Variants in GRID2 observed in about 807,000 individuals in gnomAD.
GRID2 encodes glutamate receptor ionotropic, delta-2.
Under a neutral mutation model 114.8 loss-of-function variants are expected in GRID2, and 33 were observed. The ratio of observed to expected loss-of-function variants is 0.29; its 90% CI spans 0.22 to 0.38. GRID2 has a LOEUF of 0.38. Among genes scored for constraint, GRID2 ranks in the 10% least tolerant of loss-of-function variants. The pLI, the probability that GRID2 is intolerant of heterozygous loss-of-function variation, is 1.00. For missense variants in GRID2, 1,184 were observed against 1,257.7 expected (o/e 0.94, Z 0.89); for synonymous variants, 505 against 449.9 (o/e 1.12, Z -1.55).
chr4:92,505,280 T>A (rs189029108), intron 1 of GRID2, among the ~76,000 whole-genome samples: 1 of 152,166 alleles, frequency 6.6e-6, no homozygotes, highest in East Asian at 1.9e-4. Context: ...ATGCTGTCCA[T>A]AACTTTTTAT....
intron 8 of GRID2, among the ~76,000 whole-genome samples, chr4:93,358,466 C>A (rs1172724016): frequency 6.6e-6 from 1 of 151,736 alleles, no homozygotes; most frequent in African/African-American, 2.4e-5. Flanking sequence ...GGTAAGCATC[C>A]ATGGAACATT....
intron 3 of GRID2, among the ~76,000 whole-genome samples, chr4:93,086,478 G>C (rs1180663770): frequency 3.3e-5 from 5 of 152,082 alleles, no homozygotes; most frequent in African/African-American, 1.2e-4. Flanking sequence ...GGACTCTCAG[G>C]GAGGGAGAGC....
intron 1 of GRID2, among the ~76,000 whole-genome samples, chr4:92,397,158 A>G (rs571602174): frequency 1.3e-5 from 2 of 152,190 alleles, no homozygotes; most frequent in South Asian, 2.1e-4. Context: ...AATCAGAACA[A>G]TATTACAATT....
intron 12 of GRID2, among the ~76,000 whole-genome samples, chr4:93,496,178 A>C (rs1324274612): frequency 6.6e-6 from 1 of 151,462 alleles, no homozygotes; most frequent in African/African-American, 2.4e-5. Flanking sequence ...AAGATGTCGA[A>C]GGACAAAGCA....
At position 93,317,738 on chromosome 4, in the gene GRID2, T is replaced by C. The variant is rs531866981; in HGVS notation, c.1246-77869T>C. 3.6e-3 allele frequency among the ~76,000 whole-genome samples: 550 copies of C among 151,918 alleles called. 1 individual carries two copies. Among genetic ancestry groups the C allele is most frequent in the African/African-American group, 0.013 (521 of 41,474 alleles). On this transcript the variant is annotated intron_variant, in intron 8 of 15. Transcript: ENST00000282020. The stretch of plus-strand genomic sequence containing the variant: ...CGAGTGAGCAGAATTATATTTCCTG[T>C]GAGTCATCTCTTCATATAGGGAGTA...
At chr4:92,957,222 C>A (rs1752469564) in intron 2 of GRID2, among the ~76,000 whole-genome samples, 1 of 152,010 alleles carries the variant, frequency 6.6e-6, no homozygotes, top group South Asian at 2.1e-4. Context: ...GAAACGTTAC[C>A]ATCAAACCCA....
At chr4:92,782,465 T>G (rs1250488697) in intron 2 of GRID2, among the ~76,000 whole-genome samples, 2 of 152,138 alleles carry the variant, frequency 1.3e-5, no homozygotes, top group Non-Finnish European at 2.9e-5. Context: ...ATGTTTTCAC[T>G]TAAGCTGCCT....
intron 4 of GRID2, among the ~76,000 whole-genome samples, chr4:93,144,841 G>A (rs879660808): frequency 6.6e-6 from 1 of 152,082 alleles, no homozygotes; most frequent in African/African-American, 2.4e-5. Flanking sequence ...ACATTTGCTG[G>A]AGTACCCATA....
intron 14 of GRID2, among the ~76,000 whole-genome samples, chr4:93,688,114 G>GAGAT (rs1421532252): frequency 6.6e-6 from 1 of 151,908 alleles, no homozygotes; most frequent in Admixed American, 6.6e-5. Context: ...AATATAAAGT[G>GAGAT]AGATCAACAG....
At chr4:93,236,142 C>T (rs1310073068) in intron 7 of GRID2, among the ~76,000 whole-genome samples, 1 of 152,048 alleles carries the variant, frequency 6.6e-6, no homozygotes, top group Non-Finnish European at 1.5e-5. Flanking sequence ...CAAATTCCTA[C>T]AGTATTTGTC....
intron 4 of GRID2, among the ~76,000 whole-genome samples, chr4:93,188,318 T>C (rs1740636376): frequency 6.6e-6 from 1 of 152,152 alleles, no homozygotes; most frequent in South Asian, 2.1e-4. Context: ...ATGCCATCAT[T>C]GTTTACCATC....
intron 2 of GRID2, among the ~76,000 whole-genome samples, chr4:92,712,170 C>T (rs1213741410): frequency 3.3e-5 from 5 of 151,928 alleles, no homozygotes; most frequent in Non-Finnish European, 7.4e-5. Context: ...TACAAAATTC[C>T]TTTCTTTTAA....
chr4:93,261,217 A>T (rs928051439), intron 8 of GRID2, among the ~76,000 whole-genome samples: 4 of 151,906 alleles, frequency 2.6e-5, no homozygotes, highest in African/African-American at 9.7e-5. Flanking sequence ...TTTCGAAAGG[A>T]GCTCAAAAAT....
exon 2 of GRID2, chr4:93,810,094 G>C (rs1028472691): frequency 6.6e-6 from 1 of 152,334 alleles, no homozygotes; most frequent in East Asian, 1.9e-4. Context: ...TGTTGGAACA[G>C]GTACCAGAGT....
chr4:92,407,940 G>A (rs747710999), intron 1 of GRID2, among the ~76,000 whole-genome samples: 1 of 151,924 alleles, frequency 6.6e-6, no homozygotes, highest in Non-Finnish European at 1.5e-5. Flanking sequence ...TTGTTTAGTT[G>A]GATCCTACTT....
At chr4:93,174,228 A>G (rs1739127691) in intron 4 of GRID2, among the ~76,000 whole-genome samples, 1 of 152,164 alleles carries the variant, frequency 6.6e-6, no homozygotes, top group South Asian at 2.1e-4. Flanking sequence ...GAACAATTTC[A>G]TCTAAAGTCT....
chr4:93,589,644 G>T (rs1373653000), intron 13 of GRID2, among the ~76,000 whole-genome samples: 1 of 151,694 alleles, frequency 6.6e-6, no homozygotes, highest in Non-Finnish European at 1.5e-5. Flanking sequence ...TTCCACAATG[G>T]TTGAACTAGT....
chr4:93,403,166 T>A (rs1485470461), intron 9 of GRID2, among the ~76,000 whole-genome samples: 5 of 152,120 alleles, frequency 3.3e-5, no homozygotes, highest in Admixed American at 6.6e-5. Flanking sequence ...TAAAGTTTGG[T>A]TCAGGACTCC....
chr4:93,739,219 A>C (rs1443560093), intron 14 of GRID2, among the ~76,000 whole-genome samples: 1 of 152,018 alleles, frequency 6.6e-6, no homozygotes, highest in Non-Finnish European at 1.5e-5. Context: ...AAAAGACACT[A>C]TTGTCACTCT....
Sources: gnomAD v4.1 joint callset for allele counts (sites outside exome capture counted in the v4.1 genomes callset) on GRCh38, gnomAD v4.1.1 for gene constraint, MANE v1.5 for transcripts, NCBI Gene and HGNC (gene_info 2026-07-23, HGNC 2026-07-21) for gene names.